Variants in MEMO1 observed in about 807,000 individuals in gnomAD.
MEMO1 encodes the protein mediator of cell motility 1.
Under a neutral mutation model 45.2 loss-of-function variants are expected in MEMO1, and 6 were observed. The observed-to-expected ratio is 0.13, with a 90% CI of 0.07 to 0.26. The LOEUF is 0.26. Among genes scored for constraint, MEMO1 ranks in the 10% least tolerant of loss-of-function variants. The pLI is 1.00. For missense variants in MEMO1, 184 were observed against 370.5 expected (o/e 0.50, Z 4.13); for synonymous variants, 78 against 124.3 (o/e 0.63, Z 2.48).
At chr2:31,904,342 C>T (rs571412200) in intron 6 of MEMO1, among the ~76,000 whole-genome samples, 1 of 152,226 alleles carries the variant, frequency 6.6e-6, no homozygotes, top group Non-Finnish European at 1.5e-5. Context: ...ACAGTAAACA[C>T]TTTCCTTCTG....
At position 31,881,495 on chromosome 2, in the gene MEMO1, T is replaced by TAAAAA. The variant is rs34058748; in HGVS notation, c.657+1886_657+1890dup. Among the ~76,000 whole-genome samples the TAAAAA allele has an allele frequency of 1.6e-4, 11 of 68,446 alleles. 1 individual carries two copies. Among genetic ancestry groups the TAAAAA allele is most frequent in the African/African-American group, 4.2e-4 (7 of 16,724 alleles). 44.9% of individuals were successfully genotyped at this position (68,446 alleles called of 152,430 possible). ...AGGTGATAGAGTGAGAGCCTGTCTT[T>TAAAAA]AAAAAAAAAAAAAAAAAAAAAAAAC... On this transcript the variant is annotated intron_variant, in intron 8 of 9. Transcript: ENST00000404530.
At chr2:31,940,628 T>TC (rs1665500264) in intron 3 of MEMO1, among the ~76,000 whole-genome samples, 1 of 152,142 alleles carries the variant, frequency 6.6e-6, no homozygotes, top group Admixed American at 6.5e-5. Context: ...CACTGTAGCC[T>TC]CCCCCTGGGC....
intron 2 of MEMO1, among the ~76,000 whole-genome samples, chr2:31,998,141 A>C (rs572585180): frequency 6.6e-6 from 1 of 152,210 alleles, no homozygotes; most frequent in Admixed American, 6.5e-5. Context: ...CCTCCACAGT[A>C]TATGGGACTA....
intron 2 of MEMO1, among the ~76,000 whole-genome samples, chr2:32,000,124 A>T (rs1023355222): frequency 2.6e-5 from 4 of 151,512 alleles, no homozygotes; most frequent in African/African-American, 4.9e-5. Context: ...GGGTTCAAGC[A>T]ATCCTCCCAT....
At chr2:31,967,535 A>C (rs1488189599) in intron 2 of MEMO1, among the ~76,000 whole-genome samples, 1 of 151,930 alleles carries the variant, frequency 6.6e-6, no homozygotes, top group Non-Finnish European at 1.5e-5. Flanking sequence ...TGCAGCCTTG[A>C]CCTCCGGGCT....
chr2:31,940,042 T>TC lies in MEMO1; in HGVS notation c.143+3259dup, dbSNP rs149981298. 7.5e-3 allele frequency among the ~76,000 whole-genome samples: 1,135 copies of TC among 152,232 alleles called. 17 individuals carry two copies. The highest frequency in any genetic ancestry group is 0.026 in the African/African-American group (1,061 of 41,534). ...GCATTTGATACAGCTGATCACTTTT[T>TC]CCCCCGACACATTTTTCATCCTTTG... On this transcript the variant is annotated intron_variant, in intron 3 of 9. Transcript: ENST00000404530.
chr2:31,958,012 C>A (rs1262760208), intron 2 of MEMO1, among the ~76,000 whole-genome samples: 1 of 152,114 alleles, frequency 6.6e-6, no homozygotes, highest in African/African-American at 2.4e-5. Context: ...GCAACCTCTG[C>A]CCTTATAACT....
intron 8 of MEMO1, among the ~76,000 whole-genome samples, chr2:31,876,653 AC>A (rs1357447293): frequency 1.3e-5 from 2 of 152,292 alleles, no homozygotes; most frequent in African/African-American, 4.8e-5. Context: ...AGCAAACATA[AC>A]ATATCCCTAA....
At chr2:31,918,112 C>T (rs2148157357) in intron 5 of MEMO1, 75 bp from the exon 6 acceptor site, 1 of 870,272 alleles carries the variant, frequency 1.1e-6, no homozygotes, top group Non-Finnish European at 1.6e-6. Context: ...CACCCAGTAA[C>T]ACAAAACTAC....
intron 4 of MEMO1, among the ~76,000 whole-genome samples, chr2:31,923,021 C>G (rs1682548772): frequency 1.3e-5 from 2 of 152,094 alleles, no homozygotes; most frequent in African/African-American, 2.4e-5. Context: ...AGAGTTACTT[C>G]TGTTTTAAGT....
chr2:31,950,419 A>G (rs1439525647), intron 2 of MEMO1, among the ~76,000 whole-genome samples: 2 of 150,392 alleles, frequency 1.3e-5, no homozygotes, highest in African/African-American at 4.9e-5. Context: ...TGAACAAGCA[A>G]TTAAAAGGTA....
chr2:31,868,458 A>G lies in MEMO1; in HGVS notation c.797T>C (p.Met266Thr), dbSNP rs2147856795. ...GGCATAATTCAAAAACGAAAAACTCATATTCATTCCATTCTTCTGGAGCTC... is the reference window on the plus strand; with the variant it reads ...GGCATAATTCAAAAACGAAAAACTCGTATTCATTCCATTCTTCTGGAGCTC... ...ITELQKNGMN[M>T]SFSFLNYAQS... The change falls in exon 10 of 10, where the codon ATG (methionine) becomes ACG (threonine). Residue 266 changes from methionine (M) to threonine (T), a missense_variant. Around this residue, in one of 3 missense-constraint regions of MEMO1, gnomAD observed 97 missense variants for 209.3 expected, o/e 0.46. Coordinates refer to ENST00000404530, the MANE Select transcript of MEMO1 (RefSeq NM_001301833.4). 1 of 1,605,190 alleles carries G rather than the reference A, an allele frequency of 6.2e-7. No homozygotes were observed. The highest frequency in any genetic ancestry group is 1.7e-4 in the Middle Eastern group (1 of 6,036).
rs570529959 is a variant in MEMO1, at chr2:31,947,896, C to T, written c.62-4513G>A. ...TTCTAAAATAAGCTAATGAACTAAG[C>T]CAAATTGGTTTTCTATACTTCTCTA... is the stretch of plus-strand genomic sequence containing the variant. On this transcript the variant is annotated intron_variant, in intron 2 of 9. Transcript: ENST00000404530. 2.4e-4 allele frequency among the ~76,000 whole-genome samples: 36 copies of T among 152,242 alleles called. No homozygotes were observed. In the South Asian group the frequency reaches 7.5e-3, roughly 32 times the overall value.
At chr2:31,881,661 T>C (rs564851671) in intron 8 of MEMO1, among the ~76,000 whole-genome samples, 9 of 152,108 alleles carry the variant, frequency 5.9e-5, no homozygotes, top group Non-Finnish European at 1.0e-4. Flanking sequence ...TTCTTATGCT[T>C]TTTTTATAGC....
chr2:32,007,941 C>G (rs546628232), intron 2 of MEMO1, among the ~76,000 whole-genome samples: 1 of 152,196 alleles, frequency 6.6e-6, no homozygotes, highest in African/African-American at 2.4e-5. Flanking sequence ...AAGTCCCACA[C>G]TGACTCCCCC....
intron 6 of MEMO1, among the ~76,000 whole-genome samples, chr2:31,915,929 G>T (rs943446729): frequency 1.3e-5 from 2 of 152,066 alleles, no homozygotes; most frequent in Non-Finnish European, 2.9e-5. Flanking sequence ...AAGAGGTTTT[G>T]TTACTTAGTA....
intron 2 of MEMO1, among the ~76,000 whole-genome samples, chr2:31,950,981 A>G (rs1053736985): frequency 5.3e-5 from 8 of 152,194 alleles, no homozygotes; most frequent in African/African-American, 1.4e-4. Context: ...ACATTTTTTT[A>G]AAGTGTTTCT....
intron 3 of MEMO1, among the ~76,000 whole-genome samples, chr2:31,941,763 A>C (rs1665644484): frequency 6.6e-6 from 1 of 152,234 alleles, no homozygotes; most frequent in Admixed American, 6.5e-5. Context: ...TGCATGTCAC[A>C]TAGCTTGTAA....
intron 6 of MEMO1, among the ~76,000 whole-genome samples, chr2:31,898,991 T>G (rs1212996675): frequency 6.6e-6 from 1 of 152,142 alleles, no homozygotes. Flanking sequence ...TTTCTCATAT[T>G]TGTTGGTTTA....
Sources: allele counts gnomAD v4.1 joint callset (sites outside exome capture counted in the v4.1 genomes callset), GRCh38; gene constraint gnomAD v4.1.1; regional missense constraint gnomAD v4.1.1; transcripts MANE v1.5; gene names NCBI Gene and HGNC (gene_info 2026-07-23, HGNC 2026-07-21).